The following WWOX variants were observed in gnomAD, a reference collection of about 807,000 sequenced individuals.
WWOX encodes WW domain-containing oxidoreductase.
In WWOX, 69 loss-of-function variants were observed where a neutral mutation model predicts 46.2. The ratio of observed to expected loss-of-function variants is 1.49; its 90% CI spans 1.23 to 1.82. The LOEUF (loss-of-function observed/expected upper bound fraction) is 1.82, where lower values mean the gene tolerates loss of function less well. WWOX is among the 40% of genes most tolerant of loss of function. WWOX has a pLI of 0.00. For synonymous variants in WWOX, 359 were observed against 202.6 expected (o/e 1.77, Z -6.56); for missense variants, 919 against 542.6 (o/e 1.69, Z -6.89).
intron 8 of WWOX, among the ~76,000 whole-genome samples, chr16:79,003,738 T>C (rs2047139003): frequency 6.6e-6 from 1 of 152,106 alleles, no homozygotes; most frequent in African/African-American, 2.4e-5. Flanking sequence ...AGGGCAGCTG[T>C]TTCAGCTACA....
intron 8 of WWOX, among the ~76,000 whole-genome samples, chr16:78,638,953 C>T (rs1020491126): frequency 6.6e-6 from 1 of 152,086 alleles, no homozygotes; most frequent in African/African-American, 2.4e-5. Context: ...ATGATTCCCT[C>T]TGGGGTGCTG....
intron 8 of WWOX, among the ~76,000 whole-genome samples, chr16:78,555,042 C>G (rs546960056): frequency 6.6e-6 from 1 of 152,028 alleles, no homozygotes; most frequent in Non-Finnish European, 1.5e-5. Flanking sequence ...TTTAAGGTCC[C>G]GAGGAATGTG....
chr16:79,123,452 C>G (rs1353266912), intron 8 of WWOX, among the ~76,000 whole-genome samples: 2 of 152,142 alleles, frequency 1.3e-5, no homozygotes, highest in Admixed American at 1.3e-4. Flanking sequence ...TTTGTTGAGA[C>G]TCTTTTTCCT....
At chr16:78,872,978 G>C (rs1364406262) in intron 8 of WWOX, 1 of 152,058 alleles carries the variant, frequency 6.6e-6, no homozygotes, top group Non-Finnish European at 1.5e-5. Context: ...TTGTGTTTCT[G>C]TAAAGATGAG....
chr16:78,379,890 A>G (rs1214132003), intron 5 of WWOX, among the ~76,000 whole-genome samples: 1 of 152,334 alleles, frequency 6.6e-6, no homozygotes, highest in Non-Finnish European at 1.5e-5. Context: ...TGGTAAGCAT[A>G]ATGTAGGCAT....
intron 8 of WWOX, among the ~76,000 whole-genome samples, chr16:78,624,362 G>T (rs879784414): frequency 4.6e-5 from 7 of 152,064 alleles, no homozygotes; most frequent in Non-Finnish European, 8.8e-5. Context: ...TTGTCTGGAT[G>T]TTCCTTTTAT....
intron 8 of WWOX, among the ~76,000 whole-genome samples, chr16:78,925,189 T>C (rs2045470564): frequency 6.6e-6 from 1 of 152,142 alleles, no homozygotes; most frequent in Admixed American, 6.5e-5. Context: ...CGTAAAACCC[T>C]GACTTAAAAC....
At chr16:78,352,413 A>G (rs147746981) in intron 5 of WWOX, among the ~76,000 whole-genome samples, 172 of 152,338 alleles carry the variant, frequency 1.1e-3, no homozygotes, top group African/African-American at 3.6e-3. Flanking sequence ...TGTAGGTTCT[A>G]GAAGAGAACC....
At chr16:78,563,787 G>T (rs975517433) in intron 8 of WWOX, among the ~76,000 whole-genome samples, 1 of 152,008 alleles carries the variant, frequency 6.6e-6, no homozygotes, top group Non-Finnish European at 1.5e-5. Flanking sequence ...TTGTAAAAAT[G>T]GCCACCAATT....
chr16:79,002,204 G>T (rs2047106607), intron 8 of WWOX, among the ~76,000 whole-genome samples: 2 of 145,316 alleles, frequency 1.4e-5, no homozygotes, highest in South Asian at 4.4e-4. Flanking sequence ...ATTTCCTTGG[G>T]TGTCCTGCCT....
At chr16:78,301,458 T>C (rs1286435073) in intron 5 of WWOX, among the ~76,000 whole-genome samples, 1 of 152,224 alleles carries the variant, frequency 6.6e-6, no homozygotes, top group Non-Finnish European at 1.5e-5. Flanking sequence ...CTTATTGTTT[T>C]GTACATTTTG....
chr16:78,744,850 A>G (rs1202176795), intron 8 of WWOX, among the ~76,000 whole-genome samples: 2 of 152,190 alleles, frequency 1.3e-5, no homozygotes, highest in African/African-American at 4.8e-5. Context: ...TGACTTCACT[A>G]AAGTCATTGG....
At chr16:78,528,910 A>G (rs2043549597) in intron 8 of WWOX, among the ~76,000 whole-genome samples, 2 of 151,712 alleles carry the variant, frequency 1.3e-5, no homozygotes, top group South Asian at 4.2e-4. Flanking sequence ...TTTAGAAAAA[A>G]ACTTTCTTTT....
chr16:78,654,105 G>T (rs896769085), intron 8 of WWOX, among the ~76,000 whole-genome samples: 1 of 152,210 alleles, frequency 6.6e-6, no homozygotes, highest in Non-Finnish European at 1.5e-5. Context: ...CAGGTAGAGA[G>T]AAACTCTCAA....
At chr16:78,390,408 C>T (rs995905062) in intron 6 of WWOX, among the ~76,000 whole-genome samples, 5 of 152,182 alleles carry the variant, frequency 3.3e-5, no homozygotes, top group Non-Finnish European at 7.3e-5. Flanking sequence ...CCCATTTTGC[C>T]CTAATCCCAG....
chr16:78,823,298 G>A (rs542796058), intron 8 of WWOX, among the ~76,000 whole-genome samples: 2 of 152,322 alleles, frequency 1.3e-5, no homozygotes, highest in African/African-American at 4.8e-5. Flanking sequence ...GTTGGGGGCT[G>A]CAGGAAGAGA....
intron 4 of WWOX, among the ~76,000 whole-genome samples, chr16:78,136,584 T>G (rs2033797285): frequency 6.6e-6 from 1 of 152,236 alleles, no homozygotes; most frequent in Non-Finnish European, 1.5e-5. Flanking sequence ...GTAGCCGTGT[T>G]ATTCTTAAAT....
In WWOX at chr16:78,914,734, C is replaced by G. The variant is rs145266383; in HGVS notation, c.1057-296874C>G. Among the ~76,000 whole-genome samples the G allele has an allele frequency of 4.6e-3, 687 of 150,202 alleles. 24 individuals carry two copies. The highest frequency in any genetic ancestry group is 4.0e-3 in the Non-Finnish European group (270 of 67,084). ...CTCTACTAAAAATACAAAAAATTAACTGGGCATGCTGGCAGGCGCCTGTAG... is the reference window on the plus strand; with the variant it reads ...CTCTACTAAAAATACAAAAAATTAAGTGGGCATGCTGGCAGGCGCCTGTAG... On this transcript the variant is annotated intron_variant, in intron 8 of 8. Transcript: ENST00000566780.
chr16:78,510,702 T>C (rs1297841315), intron 8 of WWOX, among the ~76,000 whole-genome samples: 1 of 152,232 alleles, frequency 6.6e-6, no homozygotes, highest in Non-Finnish European at 1.5e-5. Flanking sequence ...ATTTGTAAAT[T>C]GTGTGCTACA....
Sources: allele counts gnomAD v4.1 joint callset (sites outside exome capture counted in the v4.1 genomes callset), GRCh38; gene constraint gnomAD v4.1.1; transcripts MANE v1.5; gene names NCBI Gene and HGNC (gene_info 2026-07-23, HGNC 2026-07-21).